ARHGEF18: variants seen among roughly 807,000 people sequenced by gnomAD.
ARHGEF18 encodes the protein rho guanine nucleotide exchange factor 18.
Under a neutral mutation model 155.7 loss-of-function variants are expected in ARHGEF18, and 93 were observed. That is an observed-to-expected ratio of 0.60 (90% confidence interval 0.50 to 0.71). ARHGEF18 has a LOEUF of 0.71. Among genes scored for constraint, ARHGEF18 ranks in the 30% least tolerant of loss-of-function variants. ARHGEF18 has a pLI of 0.00. For synonymous variants in ARHGEF18, 742 were observed against 753.1 expected, an observed-to-expected ratio of 0.99 and a Z score of 0.24; for missense variants, 1,593 against 1,816.1, an observed-to-expected ratio of 0.88 and a Z score of 2.23.
chr19:7,361,994 A>AGAAGAAGAAGAAGAAGAAGAAGAG lies in ARHGEF18; in HGVS notation c.-110-765_-110-764insAGGAAGAAGAAGAAGAAGAAGAAG, dbSNP rs1568264150. Among the ~76,000 whole-genome samples, 99 of 43,188 alleles carry AGAAGAAGAAGAAGAAGAAGAAGAG rather than the reference A, an allele frequency of 2.3e-3. 4 individuals are homozygous for AGAAGAAGAAGAAGAAGAAGAAGAG. Among genetic ancestry groups the AGAAGAAGAAGAAGAAGAAGAAGAG allele is most frequent in the Non-Finnish European group, 2.7e-3 (68 of 25,638 alleles). 28.3% of individuals were successfully genotyped at this position (43,188 alleles called of 152,430 possible). ...GGGCAACAGAGCAAGACTCTGTGGAAGAAGAAGAAGAAGAAGAAGAAGGAG... is the reference window on the plus strand; with the variant it reads ...GGGCAACAGAGCAAGACTCTGTGGAAGAAGAAGAAGAAGAAGAAGAAGAGGAAGAAGAAGAAGAAGAAGAAGGAG... On this transcript the variant is annotated intron_variant, in intron 1 of 28. Coordinates refer to ENST00000668164, the MANE Select transcript of ARHGEF18 (RefSeq NM_001367823.1).
At chr19:7,450,471 C>CTTTCCG (rs1165619779) in intron 15 of ARHGEF18, among the ~76,000 whole-genome samples, 38 of 362 alleles carry the variant, frequency 0.1, no homozygotes, top group East Asian at 0.27. Flanking sequence ...CAGGATCTTG[C>CTTTCCG]TTTCCGTTTC....
downstream of ARHGEF18, chr19:7,473,020 T>C (rs74547628): frequency 1.7e-4 from 77 of 455,734 alleles, no homozygotes; most frequent in East Asian, 5.2e-3. Flanking sequence ...CTGTGGAGGG[T>C]CCTGCCCACC....
chr19:7,389,497 C>CCCTTCCTTCCTT (rs60652111), intron 10 of ARHGEF18, among the ~76,000 whole-genome samples: 2 of 138,562 alleles, frequency 1.4e-5, no homozygotes, highest in South Asian at 4.5e-4. Flanking sequence ...CTTCCTTCCT[C>CCCTTCCTTCCTT]CCTTCCTTCC....
chr19:7,473,129 G>A, downstream of ARHGEF18: 1 of 456,290 alleles, frequency 2.2e-6, no homozygotes, highest in Non-Finnish European at 4.4e-6. Flanking sequence ...TCCATCTGGG[G>A]TGAGAGGCAG....
intron 1 of ARHGEF18, among the ~76,000 whole-genome samples, chr19:7,353,614 G>GAAAAGA (rs368935422): frequency 6.6e-6 from 1 of 150,412 alleles, no homozygotes; most frequent in South Asian, 2.1e-4. Context: ...AAAAAGAAAA[G>GAAAAGA]AAAAGAAAAA....
rs982763126 is a variant in ARHGEF18, at chr19:7,470,894, G to A, written c.*596G>A. On this transcript the variant is annotated 3_prime_UTR_variant, in exon 29 of 29. Coordinates refer to ENST00000668164, the MANE Select transcript of ARHGEF18 (RefSeq NM_001367823.1). This position sits in a 1 kb window ranked among gnomAD's most constrained non-coding sequence, Gnocchi z 5.9. Reference sequence around the variant, plus strand: ...GTCAGGGAATGAGCCAGGCACGGGGGCATGGGCAGAGAGGGCCACGGGGCA... The same window carrying A: ...GTCAGGGAATGAGCCAGGCACGGGGACATGGGCAGAGAGGGCCACGGGGCA... 2.5e-6 allele frequency: 1 copy of A among 401,222 alleles called. No individual in the cohort carries two copies. Among genetic ancestry groups the A allele is most frequent in the East Asian group, 3.6e-5 (1 of 28,072 alleles). The allele number at this position is 401,222 out of a possible 1,614,324, so 24.9% of individuals were successfully genotyped here.
intron 10 of ARHGEF18, among the ~76,000 whole-genome samples, chr19:7,397,118 A>T (rs915348741): frequency 6.7e-6 from 1 of 148,330 alleles, no homozygotes; most frequent in African/African-American, 2.6e-5. Context: ...AAAAAAAAAA[A>T]TGAAGATGTG....
chr19:7,462,127 T>C lies in ARHGEF18; in HGVS notation c.2453-25T>C. On this transcript the variant is annotated intron_variant, in intron 20 of 28. Coordinates refer to ENST00000668164, the MANE Select transcript of ARHGEF18 (RefSeq NM_001367823.1). This position sits in a 1 kb window ranked among gnomAD's most constrained non-coding sequence, Gnocchi z 4.4. Reference sequence around the variant, plus strand: ...TCCAGGGAAGGCCGACCCGGCTGACTGCCACCTCCACCATCACTCTGCAGA... The same window carrying C: ...TCCAGGGAAGGCCGACCCGGCTGACCGCCACCTCCACCATCACTCTGCAGA... 6.2e-7 allele frequency: 1 copy of C among 1,613,514 alleles called. No individual in the cohort carries two copies. The highest frequency in any genetic ancestry group is 8.5e-7 in the Non-Finnish European group (1 of 1,179,976).
intron 10 of ARHGEF18, among the ~76,000 whole-genome samples, chr19:7,423,131 C>T (rs1973459683): frequency 6.6e-6 from 1 of 152,058 alleles, no homozygotes; most frequent in Admixed American, 6.6e-5. Context: ...GGAGCTAAGC[C>T]CCAGTTCCTC....
chr19:7,397,097 GAAAAA>G (rs35973104), intron 10 of ARHGEF18, among the ~76,000 whole-genome samples: 8 of 62,320 alleles, frequency 1.3e-4, no homozygotes, highest in South Asian at 5.0e-4. Flanking sequence ...GCCTTTTTGC[GAAAAA>G]AAAAAAAAAA....
At chr19:7,419,956 C>A (rs1304167451) in intron 10 of ARHGEF18, among the ~76,000 whole-genome samples, 1 of 113,112 alleles carries the variant, frequency 8.8e-6, no homozygotes. Flanking sequence ...TACTCACACT[C>A]GGCCCTCATA....
chr19:7,426,466 G>A (rs180737309), intron 10 of ARHGEF18, among the ~76,000 whole-genome samples: 14 of 129,258 alleles, frequency 1.1e-4, no homozygotes, highest in African/African-American at 2.0e-4. Context: ...CAGCCTGGGC[G>A]ACAAAGTGAG....
At position 7,456,373 on chromosome 19, in the gene ARHGEF18, A is replaced by C. The variant is rs1357506849; in HGVS notation, c.2151A>C (p.Glu717Asp). The change falls in exon 18 of 29, where the codon GAA (glutamate) becomes GAC (aspartate). Residue 717 changes from glutamate (E) to aspartate (D), a missense_variant. Transcript: ENST00000668164. ...LLTDVLLLLQ[E>D]KDQKYVFASV... is the part of the protein sequence containing the mutation. ...CCGACGTACTTTTGCTGCTACAAGA[A>C]AAAGATCAGAAATACGTCTTTGCTT... 1 of 1,614,050 alleles carries C rather than the reference A, an allele frequency of 6.2e-7. No individual in the cohort carries two copies. The highest frequency in any genetic ancestry group is 8.5e-7 in the Non-Finnish European group (1 of 1,180,020).
At chr19:7,355,106 A>G (rs1008346630) in intron 1 of ARHGEF18, among the ~76,000 whole-genome samples, 1 of 143,436 alleles carries the variant, frequency 7.0e-6, no homozygotes, top group Non-Finnish European at 1.6e-5. Context: ...ACACACACAC[A>G]CACACACAGA....
chr19:7,386,886 C>G (rs1339616177), intron 10 of ARHGEF18, among the ~76,000 whole-genome samples: 1 of 152,094 alleles, frequency 6.6e-6, no homozygotes, highest in Non-Finnish European at 1.5e-5. Flanking sequence ...CGGATCCCTT[C>G]TCCACTCTGG....
intron 10 of ARHGEF18, among the ~76,000 whole-genome samples, chr19:7,393,394 G>C (rs992648650): frequency 6.6e-6 from 1 of 152,158 alleles, no homozygotes; most frequent in African/African-American, 2.4e-5. Context: ...CTAAAATAGA[G>C]ACTGGGTCAT....
Position 7,416,559 on chromosome 19 carries a change from G to A in ARHGEF18, c.968-23785G>A, listed in dbSNP as rs1208474560. On this transcript the variant is annotated intron_variant, in intron 10 of 28. Coordinates refer to ENST00000668164, the MANE Select transcript of ARHGEF18 (RefSeq NM_001367823.1). ...TGTGTGTGTGTGTGTGTGTGTGTGT[G>A]TGTGTGTGTGTGTGTGTGTTTTGGG... Among the ~76,000 whole-genome samples the A allele has an allele frequency of 1.9e-3, 285 of 149,402 alleles. 1 individual carries two copies. The highest frequency in any genetic ancestry group is 6.8e-3 in the African/African-American group (275 of 40,552).
chr19:7,425,197 C>T (rs1300818184), intron 10 of ARHGEF18, among the ~76,000 whole-genome samples: 1 of 151,986 alleles, frequency 6.6e-6, no homozygotes, highest in Non-Finnish European at 1.5e-5. Flanking sequence ...CACTTTGTTC[C>T]GCCCTTTTTT....
the ARHGEF18 span, among the ~76,000 whole-genome samples, chr19:7,479,092 G>T: frequency 6.6e-6 from 1 of 152,188 alleles, no homozygotes; most frequent in Non-Finnish European, 1.5e-5. Flanking sequence ...GGGTACCCAG[G>T]GTGCAGGATG....
Sources: gnomAD v4.1 joint callset for allele counts (sites outside exome capture counted in the v4.1 genomes callset) on GRCh38, gnomAD v4.1.1 for gene constraint, Gnocchi (gnomAD v3.1) non-coding constraint, MANE v1.5 for transcripts, NCBI Gene and HGNC (gene_info 2026-07-23, HGNC 2026-07-21) for gene names.